Variants in CSMD1 observed in about 807,000 individuals in gnomAD.
CSMD1 encodes CUB and Sushi multiple domains 1.
CSMD1 carries 213 observed loss-of-function variants against 417.5 expected under a neutral mutation model. That is an observed-to-expected ratio of 0.51 (90% CI 0.46 to 0.57). The LOEUF is 0.57. Among genes scored for constraint, CSMD1 ranks in the 20% least tolerant of loss-of-function variants. CSMD1 has a pLI of 0.00. For missense variants in CSMD1, 6,923 were observed against 4,529.7 expected, an observed-to-expected ratio of 1.53 and a Z score of -15.17; for synonymous variants, 2,862 against 1,736.8, an observed-to-expected ratio of 1.65 and a Z score of -16.11.
In CSMD1 at chr8:4,901,754, A is replaced by G. The variant is rs371500833; in HGVS notation, c.85+92578T>C. ...AATCATATTAGCATAGAGGACGGTA[A>G]GTAAATGATAGGGAGAGGTGCCTTC... On this transcript the variant is annotated intron_variant, in intron 1 of 69. Coordinates refer to ENST00000635120, the MANE Select transcript of CSMD1 (RefSeq NM_033225.6). Among the ~76,000 whole-genome samples, 28 of 152,314 alleles carry G rather than the reference A, an allele frequency of 1.8e-4. No homozygotes were observed. In the East Asian group the frequency reaches 4.4e-3, roughly 24 times the overall value.
Position 3,188,096 on chromosome 8 carries a change from A to G in CSMD1, c.5524-131T>C. The G allele has an allele frequency of 6.7e-6, 2 of 297,008 alleles. 1 individual carries two copies. The allele number at this position is 297,008 out of a possible 1,614,324, so 18.4% of individuals were successfully genotyped here. On this transcript the variant is annotated intron_variant, in intron 35 of 69. Coordinates refer to ENST00000635120, the MANE Select transcript of CSMD1 (RefSeq NM_033225.6). Reference sequence around the variant, plus strand: ...TATATACATATGTATATGTATATATATATACATATACACCTTAATAATGCC... The same window carrying G: ...TATATACATATGTATATGTATATATGTATACATATACACCTTAATAATGCC...
chr8:3,484,108 C>T (rs1195186861), intron 11 of CSMD1, among the ~76,000 whole-genome samples: 1 of 152,132 alleles, frequency 6.6e-6, no homozygotes. Flanking sequence ...TATAGATTGG[C>T]ACCTGCCCTA....
chr8:4,359,095 A>G lies in CSMD1; in HGVS notation c.415+60858T>C, dbSNP rs548228302. On this transcript the variant is annotated intron_variant, in intron 3 of 69. Coordinates refer to ENST00000635120, the MANE Select transcript of CSMD1 (RefSeq NM_033225.6). ...TATTCCAGTTACACATAGTATATTA[A>G]TAAATGCAGGAATACTAGGGTAGAA... is the stretch of plus-strand genomic sequence containing the variant. Among the ~76,000 whole-genome samples the G allele has an allele frequency of 4.6e-5, 7 of 152,304 alleles. No homozygotes were observed. The East Asian group carries it at 5.8e-4, about 13-fold the overall frequency.
intron 1 of CSMD1, among the ~76,000 whole-genome samples, chr8:4,854,471 C>T (rs900634984): frequency 3.9e-5 from 6 of 152,084 alleles, no homozygotes; most frequent in South Asian, 2.1e-4. Flanking sequence ...ACGCAGAAGA[C>T]GGGTGATTTC....
chr8:3,728,109 A>G (rs963361867), intron 6 of CSMD1, among the ~76,000 whole-genome samples: 1 of 152,202 alleles, frequency 6.6e-6, no homozygotes. Context: ...TGTAGCTCCC[A>G]TAATTCCCAC....
At chr8:3,584,005 A>G (rs1175515862) in intron 9 of CSMD1, among the ~76,000 whole-genome samples, 1 of 152,132 alleles carries the variant, frequency 6.6e-6, no homozygotes, top group South Asian at 2.1e-4. Flanking sequence ...CAACACTAGT[A>G]AAACCCATCC....
At chr8:4,099,656 T>C (rs984856077) in intron 3 of CSMD1, among the ~76,000 whole-genome samples, 2 of 151,636 alleles carry the variant, frequency 1.3e-5, no homozygotes, top group Non-Finnish European at 2.9e-5. Flanking sequence ...AATAAACCAA[T>C]GCAGTCTGCT....
At chr8:4,850,492 C>T (rs1801406142) in intron 1 of CSMD1, among the ~76,000 whole-genome samples, 1 of 145,992 alleles carries the variant, frequency 6.8e-6, no homozygotes, top group Admixed American at 7.1e-5. Context: ...ATGACAATTG[C>T]AAACATTGGT....
chr8:3,598,469 C>T (rs1438624354), intron 8 of CSMD1, among the ~76,000 whole-genome samples: 1 of 152,170 alleles, frequency 6.6e-6, no homozygotes, highest in Non-Finnish European at 1.5e-5. Context: ...CTGGGACCGA[C>T]CGCCCCATAG....
intron 20 of CSMD1, among the ~76,000 whole-genome samples, chr8:3,363,329 A>G (rs994679966): frequency 6.6e-6 from 1 of 152,206 alleles, no homozygotes; most frequent in African/African-American, 2.4e-5. Context: ...TGAAGGAGAC[A>G]AATACAGAAA....
At chr8:3,469,410 G>C (rs1464966501) in intron 11 of CSMD1, among the ~76,000 whole-genome samples, 1 of 152,104 alleles carries the variant, frequency 6.6e-6, no homozygotes, top group Non-Finnish European at 1.5e-5. Flanking sequence ...AATAGATTTG[G>C]CAGCATTTAT....
intron 5 of CSMD1, among the ~76,000 whole-genome samples, chr8:3,974,072 G>C (rs1366618064): frequency 6.6e-6 from 1 of 151,958 alleles, no homozygotes; most frequent in Non-Finnish European, 1.5e-5. Flanking sequence ...GTTGTGCTCT[G>C]AAATGGTAGG....
intron 3 of CSMD1, among the ~76,000 whole-genome samples, chr8:4,126,259 C>G (rs1019748563): frequency 2.6e-5 from 4 of 152,106 alleles, no homozygotes; most frequent in African/African-American, 9.7e-5. Context: ...CCCACACGAC[C>G]GGCTCTGCAT....
intron 3 of CSMD1, among the ~76,000 whole-genome samples, chr8:4,350,794 G>T (rs1584941295): frequency 1.3e-5 from 2 of 152,124 alleles, no homozygotes; most frequent in African/African-American, 2.4e-5. Flanking sequence ...TAAATTCCCA[G>T]CATCTAGTTA....
intron 11 of CSMD1, among the ~76,000 whole-genome samples, chr8:3,492,714 C>T (rs973355959): frequency 1.3e-5 from 2 of 152,250 alleles, no homozygotes; most frequent in East Asian, 3.9e-4. Context: ...AGTCTGTGAT[C>T]CTGGTGAAAA....
chr8:4,155,095 C>G (rs1006708299), intron 3 of CSMD1, among the ~76,000 whole-genome samples: 1 of 152,194 alleles, frequency 6.6e-6, no homozygotes, highest in Non-Finnish European at 1.5e-5. Flanking sequence ...TCATGCAATG[C>G]CTACAGTGGC....
chr8:4,532,297 C>T (rs938942339), intron 2 of CSMD1, among the ~76,000 whole-genome samples: 18 of 147,614 alleles, frequency 1.2e-4, no homozygotes, highest in African/African-American at 4.3e-4. Context: ...AGCCCATTCA[C>T]AGTCACTCCA....
At chr8:4,885,406 G>A (rs1000893833) in intron 1 of CSMD1, among the ~76,000 whole-genome samples, 1 of 152,002 alleles carries the variant, frequency 6.6e-6, no homozygotes, top group African/African-American at 2.4e-5. Flanking sequence ...TCGATGTCTT[G>A]TTCCTGATCT....
At chr8:3,136,956 T>C (rs939975477) in intron 41 of CSMD1, among the ~76,000 whole-genome samples, 2 of 152,200 alleles carry the variant, frequency 1.3e-5, no homozygotes, top group Non-Finnish European at 2.9e-5. Context: ...TTTTTTTAAA[T>C]TTTATTATTT....
Sources: gnomAD v4.1 joint callset for allele counts (sites outside exome capture counted in the v4.1 genomes callset) on GRCh38, gnomAD v4.1.1 for gene constraint, MANE v1.5 for transcripts, NCBI Gene and HGNC (gene_info 2026-07-23, HGNC 2026-07-21) for gene names.